The following DCPS variants were observed in gnomAD, a reference collection of about 807,000 sequenced individuals.
DCPS encodes m7GpppX diphosphatase.
A neutral mutation model predicts 34.7 loss-of-function variants in DCPS; 27 were observed. That is an observed-to-expected ratio of 0.78 (90% confidence interval 0.57 to 1.07). DCPS has a LOEUF of 1.07. Ranked by LOEUF, DCPS falls within the 50% of genes least tolerant of loss-of-function variation. The pLI is 0.00. For missense variants in DCPS, 464 were observed against 436.9 expected (o/e 1.06, Z -0.55); for synonymous variants, 185 against 185.7 (o/e 1.00, Z 0.03).
At chr11:126,343,768 T>C (rs930681970) in intron 5 of DCPS, among the ~76,000 whole-genome samples, 2 of 152,180 alleles carry the variant, frequency 1.3e-5, no homozygotes, top group Non-Finnish European at 2.9e-5. Context: ...CAGAGTTTCT[T>C]GGGAGTATGG....
intron 4 of DCPS, chr11:126,341,725 G>A (rs1951877292): frequency 6.6e-6 from 1 of 152,262 alleles, no homozygotes; most frequent in African/African-American, 2.4e-5. Flanking sequence ...TTTTGTTTCT[G>A]GGCTTCTCTT....
chr11:126,312,623 G>A lies in DCPS; in HGVS notation c.376+5879G>A, dbSNP rs891732842. Among the ~76,000 whole-genome samples, 3 of 152,150 alleles carry A rather than the reference G, an allele frequency of 2.0e-5. No homozygotes were observed. Among genetic ancestry groups the A allele is most frequent in the Non-Finnish European group, 2.9e-5 (2 of 68,032 alleles). On this transcript the variant is annotated intron_variant, in intron 2 of 5. Coordinates refer to ENST00000263579, the MANE Select transcript of DCPS (RefSeq NM_014026.6). This position sits in a 1 kb window ranked among gnomAD's most constrained non-coding sequence, Gnocchi z 5.1. ...CTCAGAGTGCTGGGATTACAGGAGT[G>A]AGCCACCACGCCCAGCTGGTTTCCT...
rs895683398 is a variant in DCPS at position 126,331,161 on chromosome 11, G to T, written c.377-244G>T. 2.6e-5 allele frequency among the ~76,000 whole-genome samples: 4 copies of T among 152,174 alleles called. No individual in the cohort carries two copies. Reference sequence around the variant, plus strand: ...GAGCAGGAAGGGCTGGGGTTTGCCTGATGAGGGGCCCAGTGACCCACAGGT... The same window carrying T: ...GAGCAGGAAGGGCTGGGGTTTGCCTTATGAGGGGCCCAGTGACCCACAGGT... On this transcript the variant is annotated intron_variant, in intron 2 of 5. Transcript: ENST00000263579. The surrounding 1 kb of genome is among the most constrained non-coding windows in gnomAD (Gnocchi z 7.2).
At chr11:126,311,188 G>A (rs764949397) in intron 2 of DCPS, among the ~76,000 whole-genome samples, 14 of 152,234 alleles carry the variant, frequency 9.2e-5, no homozygotes, top group Non-Finnish European at 1.9e-4. Flanking sequence ...TAGTCATGCT[G>A]GGGCACTCAT....
At position 126,316,460 on chromosome 11, in the gene DCPS, C is replaced by T. The variant is rs567066944; in HGVS notation, c.376+9716C>T. 3.5e-4 allele frequency among the ~76,000 whole-genome samples: 53 copies of T among 152,028 alleles called. 2 individuals carry two copies. The South Asian group carries it at 1.0e-2, about 29-fold the overall frequency. Reference sequence around the variant, plus strand: ...ACACCCTTGTATTACATCATATTTCCTTCCTTGCTGGTAACATTGTTTCCA... The same window carrying T: ...ACACCCTTGTATTACATCATATTTCTTTCCTTGCTGGTAACATTGTTTCCA... On this transcript the variant is annotated intron_variant, in intron 2 of 5. Coordinates refer to ENST00000263579, the MANE Select transcript of DCPS (RefSeq NM_014026.6).
chr11:126,314,900 G>A (rs147131342), intron 2 of DCPS, among the ~76,000 whole-genome samples: 2,490 of 152,150 alleles, frequency 0.016, 95 homozygotes, highest in African/African-American at 0.057. Flanking sequence ...CAGGTGATGT[G>A]TGCATCAAAA....
intron 2 of DCPS, 83 bp downstream of exon 2, chr11:126,306,827 A>G (rs2135307615): frequency 2.0e-6 from 3 of 1,475,638 alleles, no homozygotes; most frequent in Non-Finnish European, 2.8e-6. Context: ...CAGACTCTCT[A>G]TACCCGATTT....
At position 126,331,620 on chromosome 11, in the gene DCPS, T is replaced by C; in HGVS notation, c.522+70T>C. The C allele has an allele frequency of 1.3e-6, 2 of 1,574,092 alleles. No individual in the cohort carries two copies. The highest frequency in any genetic ancestry group is 1.8e-5 in the Admixed American group (1 of 56,774). Reference sequence around the variant, plus strand: ...TGGTGCCTCCTCTTACGAGTGTCTATTGGGGTCATATTAGGGGCCAGGCGC... The same window carrying C: ...TGGTGCCTCCTCTTACGAGTGTCTACTGGGGTCATATTAGGGGCCAGGCGC... On this transcript the variant is annotated intron_variant, in intron 3 of 5. Coordinates refer to ENST00000263579, the MANE Select transcript of DCPS (RefSeq NM_014026.6). The surrounding 1 kb of genome is among the most constrained non-coding windows in gnomAD (Gnocchi z 7.2).
Position 126,323,614 on chromosome 11 carries a change from C to A in DCPS, c.377-7791C>A, listed in dbSNP as rs150060979. Among the ~76,000 whole-genome samples the A allele has an allele frequency of 1.3e-5, 2 of 151,908 alleles. No homozygotes were observed. The highest frequency in any genetic ancestry group is 4.8e-5 in the African/African-American group (2 of 41,296). On this transcript the variant is annotated intron_variant, in intron 2 of 5. Coordinates refer to ENST00000263579, the MANE Select transcript of DCPS (RefSeq NM_014026.6). The surrounding 1 kb of genome is among the most constrained non-coding windows in gnomAD (Gnocchi z 4.4). ...GCAGTGGCACGATCACAGCTCACTGCAGCCTTGACCTTCCAGGCTCAAGCG... is the reference window on the plus strand; with the variant it reads ...GCAGTGGCACGATCACAGCTCACTGAAGCCTTGACCTTCCAGGCTCAAGCG...
At chr11:126,324,960 A>G (rs1483780561) in intron 2 of DCPS, among the ~76,000 whole-genome samples, 2 of 152,148 alleles carry the variant, frequency 1.3e-5, no homozygotes, top group Non-Finnish European at 2.9e-5. Flanking sequence ...AAGCGGGTGG[A>G]TCACCTGAGG....
Position 126,333,956 on chromosome 11 carries a change from G to A in DCPS, c.522+2406G>A, listed in dbSNP as rs183170615. ...ATAGGCAGTGAGGGTGCCCTAAACGGTTTTAAGCATGTGGATGATATGGCC... is the reference window on the plus strand; with the variant it reads ...ATAGGCAGTGAGGGTGCCCTAAACGATTTTAAGCATGTGGATGATATGGCC... On this transcript the variant is annotated intron_variant, in intron 3 of 5. Transcript: ENST00000263579. The surrounding 1 kb of genome is among the most constrained non-coding windows in gnomAD (Gnocchi z 5.7). 2.0e-4 allele frequency among the ~76,000 whole-genome samples: 30 copies of A among 152,238 alleles called. No homozygotes were observed. In the East Asian group the frequency reaches 4.8e-3, roughly 24 times the overall value.
rs920976031 is a variant in DCPS, at chr11:126,322,039, G to T, written c.377-9366G>T. Among the ~76,000 whole-genome samples, 1 of 152,000 alleles carries T rather than the reference G, an allele frequency of 6.6e-6. No individual in the cohort carries two copies. Among genetic ancestry groups the T allele is most frequent in the Non-Finnish European group, 1.5e-5 (1 of 67,992 alleles). Reference sequence around the variant, plus strand: ...AAAGGCAGAGAAAATGAAGAAGAAAGGTCTTTAAAGAAATAATTCAAGACA... The same window carrying T: ...AAAGGCAGAGAAAATGAAGAAGAAATGTCTTTAAAGAAATAATTCAAGACA... On this transcript the variant is annotated intron_variant, in intron 2 of 5. Transcript: ENST00000263579. This position sits in a 1 kb window ranked among gnomAD's most constrained non-coding sequence, Gnocchi z 4.2.
At position 126,338,498 on chromosome 11, in the gene DCPS, C is replaced by A. The variant is rs12276022; in HGVS notation, c.636+99C>A. Reference sequence around the variant, plus strand: ...TTTCTCACGCTGGCCTGTCTCTAAGCAGATTATAATTAACCAACAAGGGTT... The same window carrying A: ...TTTCTCACGCTGGCCTGTCTCTAAGAAGATTATAATTAACCAACAAGGGTT... On this transcript the variant is annotated intron_variant, in intron 4 of 5. Transcript: ENST00000263579. The surrounding 1 kb of genome is among the most constrained non-coding windows in gnomAD (Gnocchi z 5.4). 10 of 1,112,850 alleles carry A rather than the reference C, an allele frequency of 9.0e-6. No individual in the cohort carries two copies. The highest frequency in any genetic ancestry group is 7.7e-5 in the African/African-American group (5 of 64,998). The allele number at this position is 1,112,850 out of a possible 1,614,324, so 68.9% of individuals were successfully genotyped here.
In DCPS at chr11:126,304,242, G is replaced by A; in HGVS notation, c.162G>A (p.Arg54=). ...GCTTCAGACTGCAGAAGGTGCTGAG[G>A]GAGTCTGCGCGGGACAAAATCATTT... ...FSGFRLQKVL[R]ESARDKIIFL... The change falls in exon 1 of 6, where the codon AGG becomes AGA. Residue 54 remains arginine (R), a synonymous_variant. Transcript: ENST00000263579. 1 of 1,614,256 alleles carries A rather than the reference G, an allele frequency of 6.2e-7. No individual in the cohort carries two copies. Among genetic ancestry groups the A allele is most frequent in the Non-Finnish European group, 8.5e-7 (1 of 1,180,058 alleles).
chr11:126,339,681 C>T (rs1288803217), intron 4 of DCPS, among the ~76,000 whole-genome samples: 6 of 152,190 alleles, frequency 3.9e-5, no homozygotes, highest in African/African-American at 7.2e-5. Flanking sequence ...GCTAAGGGGA[C>T]GCCTGCATCC....
At position 126,323,956 on chromosome 11, in the gene DCPS, G is replaced by C. The variant is rs1951724053; in HGVS notation, c.377-7449G>C. ...AGCGATTCTTCCGCCTCAGCCTCCC[G>C]AGTATCTGGGATTACAGAAGCAAGC... is the stretch of plus-strand genomic sequence containing the variant. On this transcript the variant is annotated intron_variant, in intron 2 of 5. Transcript: ENST00000263579. The surrounding 1 kb of genome is among the most constrained non-coding windows in gnomAD (Gnocchi z 4.4). 6.6e-6 allele frequency among the ~76,000 whole-genome samples: 1 copy of C among 151,956 alleles called. No homozygotes were observed. Among genetic ancestry groups the C allele is most frequent in the African/African-American group, 2.4e-5 (1 of 41,346 alleles).
In DCPS at chr11:126,331,597, G is replaced by T. The variant is rs764762802; in HGVS notation, c.522+47G>T. 1.9e-6 allele frequency: 3 copies of T among 1,603,826 alleles called. No individual in the cohort carries two copies. The highest frequency in any genetic ancestry group is 2.6e-6 in the Non-Finnish European group (3 of 1,174,860). ...ACGCAGAGCACTGCTCCCGTGGCTGGTGCCTCCTCTTACGAGTGTCTATTG... is the reference window on the plus strand; with the variant it reads ...ACGCAGAGCACTGCTCCCGTGGCTGTTGCCTCCTCTTACGAGTGTCTATTG... On this transcript the variant is annotated intron_variant, in intron 3 of 5. Transcript: ENST00000263579. The surrounding 1 kb of genome is among the most constrained non-coding windows in gnomAD (Gnocchi z 7.2).
In DCPS at chr11:126,325,661, G is replaced by A. The variant is rs1951734000; in HGVS notation, c.377-5744G>A. Among the ~76,000 whole-genome samples, 1 of 152,200 alleles carries A rather than the reference G, an allele frequency of 6.6e-6. No homozygotes were observed. The highest frequency in any genetic ancestry group is 2.4e-5 in the African/African-American group (1 of 41,446). On this transcript the variant is annotated intron_variant, in intron 2 of 5. Coordinates refer to ENST00000263579, the MANE Select transcript of DCPS (RefSeq NM_014026.6). The surrounding 1 kb of genome is among the most constrained non-coding windows in gnomAD (Gnocchi z 4.3). ...GAAAACAAGCTTCATTTGACTCTTT[G>A]ACATATATGCAAGTACAATTTGAAT...
intron 2 of DCPS, among the ~76,000 whole-genome samples, chr11:126,326,792 A>G (rs1054310659): frequency 1.9e-4 from 29 of 152,216 alleles, no homozygotes; most frequent in East Asian, 5.8e-4. Context: ...GCGTGGTGGC[A>G]GGCGCCTGTA....
Sources: allele counts gnomAD v4.1 joint callset (sites outside exome capture counted in the v4.1 genomes callset), GRCh38; gene constraint gnomAD v4.1.1; non-coding constraint Gnocchi (gnomAD v3.1); transcripts MANE v1.5; gene names NCBI Gene and HGNC (gene_info 2026-07-23, HGNC 2026-07-21).